SGCD: variants seen among roughly 807,000 people sequenced by gnomAD.
SGCD encodes the protein sarcoglycan delta.
In SGCD, 18 loss-of-function variants were observed where a neutral mutation model predicts 36.6. The ratio of observed to expected loss-of-function variants is 0.49; its 90% confidence interval spans 0.34 to 0.73. SGCD has a LOEUF of 0.73. Among genes scored for constraint, SGCD ranks in the 30% least tolerant of loss-of-function variants. The pLI is 0.01. For missense variants in SGCD, 387 were observed against 346.7 expected (o/e 1.12, Z -0.92); for synonymous variants, 133 against 130.6 (o/e 1.02, Z -0.12).
chr5:156,482,229 T>A, intron 3 of SGCD, among the ~76,000 whole-genome samples: 1 of 152,136 alleles, frequency 6.6e-6, no homozygotes, highest in East Asian at 1.9e-4. Context: ...TCACTATGAT[T>A]TCAGTTCGTG....
At chr5:156,398,764 A>T (rs1322175192) in intron 3 of SGCD, among the ~76,000 whole-genome samples, 2 of 152,188 alleles carry the variant, frequency 1.3e-5, no homozygotes, top group Non-Finnish European at 2.9e-5. Flanking sequence ...ACTTAACTGG[A>T]CAGAGGACTT....
At chr5:155,969,275 A>G (rs145144148) in intron 1 of SGCD, among the ~76,000 whole-genome samples, 82 of 152,252 alleles carry the variant, frequency 5.4e-4, no homozygotes, top group Non-Finnish European at 1.0e-3. Context: ...TGATACAAAT[A>G]TGCAAAAGTA....
At chr5:155,960,172 C>T (rs1433434655) in intron 1 of SGCD, among the ~76,000 whole-genome samples, 1 of 152,006 alleles carries the variant, frequency 6.6e-6, no homozygotes, top group Non-Finnish European at 1.5e-5. Flanking sequence ...TTCATTTCCA[C>T]CTCTCCCGCT....
chr5:156,574,712 A>G (rs1759856712), intron 4 of SGCD, among the ~76,000 whole-genome samples: 1 of 152,074 alleles, frequency 6.6e-6, no homozygotes, highest in Admixed American at 6.6e-5. Context: ...TTCCTCTACA[A>G]CAAATCAGAT....
chr5:156,135,576 C>G (rs1762437085), intron 3 of SGCD, among the ~76,000 whole-genome samples: 1 of 152,006 alleles, frequency 6.6e-6, no homozygotes, highest in Admixed American at 6.5e-5. Context: ...TGTCCAGCTT[C>G]CAGTTACTTT....
intron 3 of SGCD, among the ~76,000 whole-genome samples, chr5:156,427,637 A>T (rs749766551): frequency 2.0e-5 from 3 of 152,006 alleles, no homozygotes; most frequent in Non-Finnish European, 2.9e-5. Flanking sequence ...GAATCCTTTC[A>T]TCTTTTCGCC....
chr5:156,243,954 A>T (rs1765368034), intron 3 of SGCD, among the ~76,000 whole-genome samples: 2 of 152,238 alleles, frequency 1.3e-5, no homozygotes, highest in South Asian at 4.1e-4. Context: ...AATGTGGAAC[A>T]GAATGTTTAC....
chr5:156,102,311 C>G (rs1581100339), intron 1 of SGCD, among the ~76,000 whole-genome samples: 1 of 152,004 alleles, frequency 6.6e-6, no homozygotes, highest in Non-Finnish European at 1.5e-5. Flanking sequence ...ATTGACTAAA[C>G]TGTTATAACT....
Position 156,300,348 on chromosome 5 carries a change from A to G in SGCD, c.-43-29186A>G, listed in dbSNP as rs534934324. On this transcript the variant is annotated intron_variant, in intron 3 of 9. Coordinates refer to the SGCD transcript ENST00000517913. The stretch of plus-strand genomic sequence containing the variant: ...ATTATTTGTTTCAAGAAATTTTTCA[A>G]TTTCCCTCTATAATCTCTTCATTGA... Among the ~76,000 whole-genome samples the G allele has an allele frequency of 1.3e-3, 197 of 151,924 alleles. 2 individuals are homozygous for G. Among genetic ancestry groups the G allele is most frequent in the African/African-American group, 4.6e-3 (190 of 41,460 alleles).
At chr5:155,897,497 TAATA>T (rs1756292162) in intron 1 of SGCD, among the ~76,000 whole-genome samples, 1 of 152,174 alleles carries the variant, frequency 6.6e-6, no homozygotes, top group African/African-American at 2.4e-5. Context: ...TTTTCTTTAA[TAATA>T]AATTAAGCTG....
intron 1 of SGCD, among the ~76,000 whole-genome samples, chr5:156,077,361 C>G (rs1760812767): frequency 6.6e-6 from 1 of 152,110 alleles, no homozygotes; most frequent in African/African-American, 2.4e-5. Flanking sequence ...TAACCCCAGC[C>G]CTATATTCTT....
chr5:156,241,832 G>A (rs1765313826), intron 3 of SGCD, among the ~76,000 whole-genome samples: 1 of 152,086 alleles, frequency 6.6e-6, no homozygotes, highest in Middle Eastern at 3.2e-3. Context: ...ACTCACTACG[G>A]CCACTTAGTA....
At position 156,762,811 on chromosome 5, in the gene SGCD, A is replaced by G; in HGVS notation, c.*3421A>G. The stretch of plus-strand genomic sequence containing the variant: ...AGTCCTTTACAGGCAAAGTTTCCTC[A>G]CCCCTGACCTAGAGGTTTTTGTGGT... On this transcript the variant is annotated 3_prime_UTR_variant, in exon 9 of 9. Transcript: ENST00000337851. The G allele has an allele frequency of 6.6e-6, 1 of 152,368 alleles. No homozygotes were observed. Among genetic ancestry groups the G allele is most frequent in the East Asian group, 1.9e-4 (1 of 5,182 alleles). The allele number at this position is 152,368 out of a possible 1,614,324, so 9.4% of individuals were successfully genotyped here.
intron 4 of SGCD, among the ~76,000 whole-genome samples, chr5:156,533,606 G>T: frequency 6.6e-6 from 1 of 152,066 alleles, no homozygotes. Flanking sequence ...TCTTATCTCT[G>T]ATTCCTTATC....
chr5:155,933,561 A>C (rs1757138945), intron 1 of SGCD, among the ~76,000 whole-genome samples: 1 of 152,234 alleles, frequency 6.6e-6, no homozygotes, highest in Non-Finnish European at 1.5e-5. Flanking sequence ...TGAGTGAATG[A>C]ATCTCATTCT....
chr5:155,809,824 G>A, the SGCD span, among the ~76,000 whole-genome samples: 1 of 152,140 alleles, frequency 6.6e-6, no homozygotes, highest in Non-Finnish European at 1.5e-5. Flanking sequence ...CTTCATAAAA[G>A]CATCTTTTTT....
intron 4 of SGCD, among the ~76,000 whole-genome samples, chr5:156,534,631 T>C (rs1288686219): frequency 6.6e-6 from 1 of 152,166 alleles, no homozygotes; most frequent in Non-Finnish European, 1.5e-5. Flanking sequence ...TATAGCATAG[T>C]AGCAAAGTAC....
At chr5:156,267,318 T>G (rs1263353303) in intron 3 of SGCD, among the ~76,000 whole-genome samples, 1 of 152,242 alleles carries the variant, frequency 6.6e-6, no homozygotes, top group Non-Finnish European at 1.5e-5. Context: ...TCACTTGTTT[T>G]TTATTTCCTG....
At chr5:156,407,696 T>A (rs1475064578) in intron 3 of SGCD, among the ~76,000 whole-genome samples, 1 of 151,998 alleles carries the variant, frequency 6.6e-6, no homozygotes, top group Non-Finnish European at 1.5e-5. Context: ...GAAAAGGAGA[T>A]TTTCAAGGGG....
Sources: gnomAD v4.1 joint callset for allele counts (sites outside exome capture counted in the v4.1 genomes callset) on GRCh38, gnomAD v4.1.1 for gene constraint, MANE v1.5 for transcripts, NCBI Gene and HGNC (gene_info 2026-07-23, HGNC 2026-07-21) for gene names.